Variants in ANTXR1 observed in about 807,000 individuals in gnomAD.
ANTXR1 encodes ANTXR cell adhesion molecule 1.
In ANTXR1, 19 loss-of-function variants were observed where a neutral mutation model predicts 78.1. The observed-to-expected ratio is 0.24, with a 90% CI of 0.17 to 0.36. ANTXR1 has a LOEUF of 0.36. Ranked by LOEUF, ANTXR1 falls within the 10% of genes least tolerant of loss-of-function variation. ANTXR1 has a pLI of 1.00. For missense variants in ANTXR1, 518 were observed against 718.6 expected (o/e 0.72, Z 3.19); for synonymous variants, 273 against 260.5 (o/e 1.05, Z -0.46).
chr2:69,030,068 G>A (rs955193230), intron 1 of ANTXR1, among the ~76,000 whole-genome samples: 1 of 152,070 alleles, frequency 6.6e-6, no homozygotes, highest in South Asian at 2.1e-4. Context: ...AAGAGGGAGG[G>A]AAATCCATAA....
At chr2:69,104,533 C>G (rs1245991335) in intron 10 of ANTXR1, among the ~76,000 whole-genome samples, 1 of 152,176 alleles carries the variant, frequency 6.6e-6, no homozygotes, top group African/African-American at 2.4e-5. Context: ...ACGTGTGCCC[C>G]CAGCAGAGTT....
At chr2:69,088,477 T>G (rs915142978) in intron 8 of ANTXR1, among the ~76,000 whole-genome samples, 2 of 152,218 alleles carry the variant, frequency 1.3e-5, no homozygotes, top group Non-Finnish European at 2.9e-5. Flanking sequence ...TTTAATAAGT[T>G]TCTCCCTCTG....
chr2:69,125,932 T>A lies in ANTXR1; in HGVS notation c.951+1289T>A, dbSNP rs569187295. Among the ~76,000 whole-genome samples, 4 of 152,340 alleles carry A rather than the reference T, an allele frequency of 2.6e-5. No homozygotes were observed. In the South Asian group the frequency reaches 8.3e-4, roughly 32 times the overall value. The stretch of plus-strand genomic sequence containing the variant: ...ATTCAGTTTCTTTAACTGAATACAT[T>A]TCTCCATTAGCTCATTCTAGAAACT... On this transcript the variant is annotated intron_variant, in intron 12 of 17. Transcript: ENST00000303714.
rs764170804 is a variant in ANTXR1 at position 69,170,280 on chromosome 2, G to A, written c.1080G>A (p.Glu360=). The A allele has an allele frequency of 3.1e-6, 5 of 1,614,126 alleles. No individual in the cohort carries two copies. Among genetic ancestry groups the A allele is most frequent in the South Asian group, 1.1e-5 (1 of 91,082 alleles). The change falls in exon 14 of 18, where the codon GAG becomes GAA. Residue 360 remains glutamate (E), a synonymous_variant. Coordinates refer to ENST00000303714, the MANE Select transcript of ANTXR1 (RefSeq NM_032208.3). The part of the protein sequence containing the change: ...IIKEVPPPPA[E]ESEEEDDDGL... ...AGGAGGTCCCTCCACCCCCTGCCGA[G>A]GAGAGTGAGGTAAGTGACCACAGCA...
chr2:69,172,997 G>A (rs576502342), intron 14 of ANTXR1, among the ~76,000 whole-genome samples: 68 of 152,276 alleles, frequency 4.5e-4, no homozygotes, highest in African/African-American at 1.0e-3. Flanking sequence ...TTCATGTGAC[G>A]GTTTTGTTCT....
At chr2:69,076,466 A>G (rs907924835) in intron 7 of ANTXR1, among the ~76,000 whole-genome samples, 6 of 152,230 alleles carry the variant, frequency 3.9e-5, no homozygotes, top group Non-Finnish European at 7.3e-5. Context: ...ATGTACCTCA[A>G]TGTAGTTCAT....
chr2:69,094,741 C>T (rs1468482839), intron 9 of ANTXR1, among the ~76,000 whole-genome samples: 2 of 152,172 alleles, frequency 1.3e-5, no homozygotes, highest in East Asian at 1.9e-4. Flanking sequence ...GGCGAGGCAG[C>T]GAGATAATGA....
In ANTXR1 at chr2:69,050,318, A is replaced by G. The variant is rs144669764; in HGVS notation, c.296+5505A>G. 9.3e-3 allele frequency among the ~76,000 whole-genome samples: 1,412 copies of G among 152,062 alleles called. 21 individuals are homozygous for G. Among genetic ancestry groups the G allele is most frequent in the African/African-American group, 0.032 (1,320 of 41,402 alleles). On this transcript the variant is annotated intron_variant, in intron 3 of 17. Transcript: ENST00000303714. ...ATCAAAAATAAATAAATAAATAAAT[A>G]AATAAAAGATTTTCTAATGAAAAAC...
chr2:69,196,121 A>G (rs1319941791), intron 17 of ANTXR1, among the ~76,000 whole-genome samples: 2 of 152,244 alleles, frequency 1.3e-5, no homozygotes, highest in African/African-American at 4.8e-5. Context: ...CTTAAATTGA[A>G]TCTCTTATTT....
intron 12 of ANTXR1, among the ~76,000 whole-genome samples, chr2:69,143,506 G>C (rs183225200): frequency 6.6e-6 from 1 of 152,146 alleles, no homozygotes; most frequent in Non-Finnish European, 1.5e-5. Flanking sequence ...ACAATTGAAT[G>C]GTCCTGAATA....
intron 17 of ANTXR1, among the ~76,000 whole-genome samples, chr2:69,234,623 C>A (rs1675706196): frequency 1.3e-5 from 2 of 151,954 alleles, no homozygotes; most frequent in Admixed American, 6.6e-5. Flanking sequence ...ACAAAATTGG[C>A]CAGGTGGTGC....
intron 14 of ANTXR1, among the ~76,000 whole-genome samples, chr2:69,178,596 T>G (rs1376507195): frequency 6.6e-6 from 1 of 151,926 alleles, no homozygotes; most frequent in African/African-American, 2.4e-5. Flanking sequence ...GGCCAGGGAC[T>G]AGAGGGAGAA....
At position 69,102,698 on chromosome 2, in the gene ANTXR1, T is replaced by C. The variant is rs1671664511; in HGVS notation, c.704-144T>C. On this transcript the variant is annotated intron_variant, in intron 9 of 17. Transcript: ENST00000303714. ...TGGTAAGTAGTGAAAGGAACCCACC[T>C]GGTTGCTTTTGGTGTTCAACCTAAA... is the stretch of plus-strand genomic sequence containing the variant. 2.9e-5 allele frequency: 24 copies of C among 840,878 alleles called. 1 individual carries two copies. In the South Asian group the frequency reaches 3.3e-4, roughly 12 times the overall value. 52.1% of individuals were successfully genotyped at this position (840,878 alleles called of 1,614,324 possible).
intron 13 of ANTXR1, among the ~76,000 whole-genome samples, chr2:69,169,337 T>C (rs575441699): frequency 6.6e-6 from 1 of 152,352 alleles, no homozygotes; most frequent in African/African-American, 2.4e-5. Context: ...ATAATAAGTT[T>C]GGGGTGAGAG....
Position 69,070,220 on chromosome 2 carries a change from G to A in ANTXR1, c.297-427G>A, listed in dbSNP as rs147810128. ...CGTGCGGTGGCAGTTTGCTGTGGAT[G>A]CCACCCTCTTCCACCTGCGTCCTTG... On this transcript the variant is annotated intron_variant, in intron 3 of 17. Coordinates refer to ENST00000303714, the MANE Select transcript of ANTXR1 (RefSeq NM_032208.3). Among the ~76,000 whole-genome samples the A allele has an allele frequency of 9.9e-5, 15 of 152,270 alleles. No homozygotes were observed. In the East Asian group the frequency reaches 2.9e-3, roughly 29 times the overall value.
At chr2:69,244,674 CCTT>C (rs1675971347) in intron 17 of ANTXR1, among the ~76,000 whole-genome samples, 1 of 152,192 alleles carries the variant, frequency 6.6e-6, no homozygotes, top group Admixed American at 6.5e-5. Flanking sequence ...GTGGTGTTAA[CCTT>C]CTGCCATTTC....
intron 1 of ANTXR1, among the ~76,000 whole-genome samples, chr2:69,032,621 A>G (rs1362831991): frequency 2.0e-5 from 3 of 152,084 alleles, no homozygotes; most frequent in Admixed American, 6.5e-5. Flanking sequence ...GTGCATTTCA[A>G]TTATGGGAAA....
At chr2:69,044,601 C>T (rs111637977) in intron 2 of ANTXR1, 141 bp from the exon 3 acceptor site, 1 of 828,338 alleles carries the variant, frequency 1.2e-6, no homozygotes, top group African/African-American at 1.7e-5. Flanking sequence ...ACCCGCAGCA[C>T]CAGCCTAGGA....
At chr2:69,178,186 C>T (rs546983053) in intron 14 of ANTXR1, among the ~76,000 whole-genome samples, 1 of 152,304 alleles carries the variant, frequency 6.6e-6, no homozygotes, top group South Asian at 2.1e-4. Context: ...GATTCTACTC[C>T]GTCCATTTTT....
Sources: gnomAD v4.1 joint callset for allele counts (sites outside exome capture counted in the v4.1 genomes callset) on GRCh38, gnomAD v4.1.1 for gene constraint, MANE v1.5 for transcripts, NCBI Gene and HGNC (gene_info 2026-07-23, HGNC 2026-07-21) for gene names.